SGCD: variants seen among roughly 807,000 people sequenced by gnomAD.
The protein encoded by SGCD is sarcoglycan delta.
A neutral mutation model predicts 36.6 loss-of-function variants in SGCD; 18 were observed. That is an observed-to-expected ratio of 0.49 (90% CI 0.34 to 0.73). The LOEUF is 0.73. SGCD is among the 30% of genes least tolerant of loss of function. SGCD has a pLI of 0.01. For missense variants in SGCD, 387 were observed against 346.7 expected (o/e 1.12, Z -0.92); for synonymous variants, 133 against 130.6 (o/e 1.02, Z -0.12).
At chr5:155,745,063 G>A in the SGCD span, among the ~76,000 whole-genome samples, 3 of 152,190 alleles carry the variant, frequency 2.0e-5, no homozygotes, top group African/African-American at 7.2e-5. Context: ...GTGGAGGAAA[G>A]TAGATCTGGA....
intron 3 of SGCD, among the ~76,000 whole-genome samples, chr5:156,345,339 C>A (rs976746152): frequency 2.0e-5 from 3 of 151,712 alleles, no homozygotes; most frequent in South Asian, 2.1e-4. Context: ...TGTTGTAGTT[C>A]AAATGAAAAG....
intron 7 of SGCD, among the ~76,000 whole-genome samples, chr5:156,706,861 A>G (rs1350915691): frequency 6.6e-6 from 1 of 152,146 alleles, no homozygotes; most frequent in Non-Finnish European, 1.5e-5. Flanking sequence ...TCTTCCACTG[A>G]TCTTTCAGAA....
chr5:156,521,661 A>G (rs1343531144), intron 4 of SGCD, among the ~76,000 whole-genome samples: 1 of 152,234 alleles, frequency 6.6e-6, no homozygotes, highest in Non-Finnish European at 1.5e-5. Flanking sequence ...ACCTCACGGC[A>G]GTCAAAATGG....
At chr5:155,988,886 A>T (rs773455147) in intron 1 of SGCD, among the ~76,000 whole-genome samples, 10 of 152,194 alleles carry the variant, frequency 6.6e-5, no homozygotes, top group Admixed American at 1.3e-4. Context: ...TTTTATTATA[A>T]CTATTATAGT....
chr5:156,614,960 C>T (rs1255410698), intron 6 of SGCD, among the ~76,000 whole-genome samples: 2 of 152,120 alleles, frequency 1.3e-5, no homozygotes, highest in Non-Finnish European at 2.9e-5. Context: ...AATGTTTTTG[C>T]CACCCCCGGT....
intron 2 of SGCD, among the ~76,000 whole-genome samples, chr5:156,122,740 A>G (rs965527335): frequency 6.7e-6 from 1 of 150,106 alleles, no homozygotes; most frequent in African/African-American, 2.5e-5. Context: ...ATTCTCTTAC[A>G]TGGGTCTGGT....
At chr5:156,190,362 C>A (rs1300658198) in intron 3 of SGCD, among the ~76,000 whole-genome samples, 1 of 151,926 alleles carries the variant, frequency 6.6e-6, no homozygotes, top group Non-Finnish European at 1.5e-5. Context: ...TTCCCCACCA[C>A]CAAAAAAGGA....
At chr5:156,653,492 G>A (rs200900657) in intron 7 of SGCD, among the ~76,000 whole-genome samples, 1 of 5,836 alleles carries the variant, frequency 1.7e-4, no homozygotes, top group African/African-American at 7.6e-4. Flanking sequence ...TCTAAAGCTT[G>A]CTTTTTTTTT....
chr5:156,173,052 G>A (rs1321153082), intron 3 of SGCD, among the ~76,000 whole-genome samples: 1 of 152,026 alleles, frequency 6.6e-6, no homozygotes, highest in South Asian at 2.1e-4. Context: ...CTGTTTACTT[G>A]AGTTGTAATA....
chr5:155,746,561 G>T, the SGCD span, among the ~76,000 whole-genome samples: 1 of 152,130 alleles, frequency 6.6e-6, no homozygotes, highest in South Asian at 2.1e-4. Context: ...GGGTTTTTAT[G>T]ATGTCAGACT....
At chr5:156,242,857 A>G (rs1267620944) in intron 3 of SGCD, among the ~76,000 whole-genome samples, 3 of 152,166 alleles carry the variant, frequency 2.0e-5, no homozygotes, top group African/African-American at 7.2e-5. Flanking sequence ...GTGATTCTGC[A>G]CAGAATCCCA....
chr5:156,759,162 A>G, intron 8 of SGCD, 55 bp from the exon 9 acceptor site: 1 of 1,378,424 alleles, frequency 7.3e-7, no homozygotes, highest in Admixed American at 1.7e-5. Flanking sequence ...CTGAATGTCA[A>G]GAGAAGAGAC....
the SGCD span, among the ~76,000 whole-genome samples, chr5:155,784,677 G>T: frequency 8.3e-5 from 11 of 132,418 alleles, no homozygotes; most frequent in African/African-American, 2.8e-4. Flanking sequence ...GCATCCTCTT[G>T]CCTGAATCCT....
intron 3 of SGCD, among the ~76,000 whole-genome samples, chr5:156,267,884 T>C (rs1157260991): frequency 6.6e-6 from 1 of 152,236 alleles, no homozygotes; most frequent in Non-Finnish European, 1.5e-5. Flanking sequence ...AGGTTTGTTA[T>C]ATAGGTAAAC....
At chr5:156,438,053 T>C (rs1370111586) in intron 3 of SGCD, among the ~76,000 whole-genome samples, 2 of 152,160 alleles carry the variant, frequency 1.3e-5, no homozygotes, top group Non-Finnish European at 2.9e-5. Context: ...TTTGCAACTT[T>C]AAAATGGCAC....
chr5:156,494,412 A>G (rs536521000), intron 3 of SGCD, among the ~76,000 whole-genome samples: 8 of 151,520 alleles, frequency 5.3e-5, no homozygotes, highest in Admixed American at 4.6e-4. Context: ...TATGGTCTAA[A>G]CAATAGTGTC....
intron 7 of SGCD, among the ~76,000 whole-genome samples, chr5:156,715,374 G>T (rs1018597445): frequency 1.3e-5 from 2 of 152,286 alleles, no homozygotes; most frequent in Admixed American, 6.5e-5. Flanking sequence ...TGAGGATTAT[G>T]CAGGGCACAA....
At chr5:156,307,163 TC>T (rs1767238381) in intron 3 of SGCD, among the ~76,000 whole-genome samples, 1 of 150,920 alleles carries the variant, frequency 6.6e-6, no homozygotes, top group South Asian at 2.1e-4. Context: ...CACCTCAGCC[TC>T]CCAAGTAGCT....
intron 3 of SGCD, among the ~76,000 whole-genome samples, chr5:156,362,161 C>T (rs144712376): frequency 1.3e-5 from 2 of 152,324 alleles, no homozygotes; most frequent in South Asian, 2.1e-4. Flanking sequence ...GAAGAAGCAA[C>T]ACACATGTAC....
Sources: allele counts gnomAD v4.1 joint callset (sites outside exome capture counted in the v4.1 genomes callset), GRCh38; gene constraint gnomAD v4.1.1; transcripts MANE v1.5; gene names NCBI Gene and HGNC (gene_info 2026-07-23, HGNC 2026-07-21).